Variants in FLRT2 observed in about 807,000 individuals in gnomAD.
FLRT2 encodes the protein leucine-rich repeat transmembrane protein FLRT2.
In FLRT2, 15 loss-of-function variants were observed where a neutral mutation model predicts 40.0. The ratio of observed to expected loss-of-function variants is 0.38; its 90% CI spans 0.25 to 0.58. The LOEUF is 0.58. Ranked by LOEUF, FLRT2 falls within the 20% of genes least tolerant of loss-of-function variation. FLRT2 has a pLI of 0.71. For missense variants in FLRT2, 726 were observed against 840.0 expected (o/e 0.86, Z 1.68); for synonymous variants, 380 against 336.8 (o/e 1.13, Z -1.41).
chr14:85,560,618 T>A (rs1261922386), intron 1 of FLRT2, among the ~76,000 whole-genome samples: 1 of 147,266 alleles, frequency 6.8e-6, no homozygotes, highest in Non-Finnish European at 1.5e-5. Flanking sequence ...AAATAAAAAA[T>A]AAAGAAAAAA....
chr14:85,587,389 G>A (rs1891671158), intron 1 of FLRT2, among the ~76,000 whole-genome samples: 1 of 151,724 alleles, frequency 6.6e-6, no homozygotes, highest in Admixed American at 6.6e-5. Context: ...GAATTCCTAC[G>A]CAAAAGCTAC....
intron 1 of FLRT2, among the ~76,000 whole-genome samples, chr14:85,560,533 A>G (rs1004895569): frequency 2.0e-5 from 3 of 152,068 alleles, no homozygotes; most frequent in African/African-American, 7.2e-5. Context: ...GTGAGCCGAG[A>G]TCGCACCACT....
intron 1 of FLRT2, among the ~76,000 whole-genome samples, chr14:85,570,326 C>G (rs1027392674): frequency 5.3e-5 from 8 of 152,186 alleles, no homozygotes; most frequent in Non-Finnish European, 7.3e-5. Flanking sequence ...AACAATTCAA[C>G]TTCCTTTTCA....
chr14:85,590,826 G>C (rs946232313), intron 1 of FLRT2, among the ~76,000 whole-genome samples: 30 of 152,126 alleles, frequency 2.0e-4, no homozygotes, highest in African/African-American at 7.2e-4. Flanking sequence ...TCAAACTCCT[G>C]ACCTCAGGTG....
Position 85,632,640 on chromosome 14 carries a change from A to G in FLRT2, c.*9143A>G, listed in dbSNP as rs1311729019. On this transcript the variant is annotated 3_prime_UTR_variant, in exon 2 of 2. Coordinates refer to ENST00000330753, the MANE Select transcript of FLRT2 (RefSeq NM_013231.6). ...ATCTTCATCAGCAAAATTAAAAAAG[A>G]CAGTCATTATTCACTATGTCATATC... The G allele has an allele frequency of 6.6e-6, 1 of 152,076 alleles. No homozygotes were observed. The highest frequency in any genetic ancestry group is 2.4e-5 in the African/African-American group (1 of 41,378). 9.4% of individuals were successfully genotyped at this position (152,076 alleles called of 1,614,324 possible).
chr14:85,543,494 G>A (rs775427843), intron 1 of FLRT2, among the ~76,000 whole-genome samples: 37 of 150,856 alleles, frequency 2.5e-4, no homozygotes, highest in Non-Finnish European at 4.7e-4. Context: ...CTAAACCATT[G>A]TACTGTTTTT....
At chr14:85,593,477 T>TGATTCGATAA (rs71120526) in intron 1 of FLRT2, among the ~76,000 whole-genome samples, 72,025 of 151,604 alleles carry the variant, frequency 0.48, 17,502 homozygotes, top group East Asian at 0.77. Flanking sequence ...GAAACTCTGT[T>TGATTCGATAA]GATTGAAAAT....
rs888619134 is a variant in FLRT2, at chr14:85,602,111, G to T, written c.-376-19028G>T. 2.1e-4 allele frequency among the ~76,000 whole-genome samples: 32 copies of T among 152,248 alleles called. 1 individual carries two copies. The highest frequency in any genetic ancestry group is 7.5e-4 in the African/African-American group (31 of 41,548). On this transcript the variant is annotated intron_variant, in intron 1 of 1. Transcript: ENST00000330753. ...TGAAGGGTAGTAAAGTGTCTGCTTAGATATATAGTGACTTATAAATGCATT... is the reference window on the plus strand; with the variant it reads ...TGAAGGGTAGTAAAGTGTCTGCTTATATATATAGTGACTTATAAATGCATT...
rs562676147 is a variant in FLRT2, at chr14:85,637,097, A to C, written c.*13600A>C. On this transcript the variant is annotated 3_prime_UTR_variant, in exon 2 of 2. Transcript: ENST00000330753. ...AACTAGCAACATGTTTTGTGGAGAT[A>C]AATGTAAACACATTTTACACATACA... 3 of 152,178 alleles carry C rather than the reference A, an allele frequency of 2.0e-5. No individual in the cohort carries two copies. The South Asian group carries it at 6.2e-4, about 31-fold the overall frequency. The allele number at this position is 152,178 out of a possible 1,614,324, so 9.4% of individuals were successfully genotyped here. A position where few individuals can be genotyped will look rare whatever the true frequency, so the allele number is the denominator to read the frequency against.
At chr14:85,604,854 G>T (rs1179779458) in intron 1 of FLRT2, among the ~76,000 whole-genome samples, 3 of 152,124 alleles carry the variant, frequency 2.0e-5, no homozygotes, top group Admixed American at 6.6e-5. Flanking sequence ...GGGGTGAAGT[G>T]GGTGGGGGTT....
chr14:85,576,914 GT>G (rs1891147394), intron 1 of FLRT2, among the ~76,000 whole-genome samples: 1 of 152,148 alleles, frequency 6.6e-6, no homozygotes, highest in African/African-American at 2.4e-5. Context: ...ATGTGCACAC[GT>G]TTTGTATTTC....
At position 85,643,357 on chromosome 14, in the gene FLRT2, TCCTTCCTTC is replaced by T. The variant is rs1357110151; in HGVS notation, c.*19862_*19870del. 20 of 126,398 alleles carry T rather than the reference TCCTTCCTTC, an allele frequency of 1.6e-4. No individual in the cohort carries two copies. The highest frequency in any genetic ancestry group is 3.8e-3 in the Middle Eastern group (1 of 264). 7.8% of individuals were successfully genotyped at this position (126,398 alleles called of 1,614,324 possible). A position where few individuals can be genotyped will look rare whatever the true frequency, so the allele number is the denominator to read the frequency against. On this transcript the variant is annotated 3_prime_UTR_variant, in exon 2 of 2. Coordinates refer to ENST00000330753, the MANE Select transcript of FLRT2 (RefSeq NM_013231.6). ...TTTCTTTCTTTCTTTCTTTCTTTCT[TCCTTCCTTC>T]CTTCCTTCCTTTCTTTCCTTTCTCC...
rs1260616861 is a variant in FLRT2, at chr14:85,627,490, T to C, written c.*3993T>C. 6.0e-6 allele frequency: 1 copy of C among 167,026 alleles called. No homozygotes were observed. The highest frequency in any genetic ancestry group is 6.5e-5 in the Admixed American group (1 of 15,278). The allele number at this position is 167,026 out of a possible 1,614,324, so 10.3% of individuals were successfully genotyped here. A position where few individuals can be genotyped will look rare whatever the true frequency, so the allele number is the denominator to read the frequency against. ...AAATTTTTTTACTATAGTTTTTTGT[T>C]TTCTACCTGCACACCCACCAGAAGA... On this transcript the variant is annotated 3_prime_UTR_variant, in exon 2 of 2. Transcript: ENST00000330753.
At position 85,623,442 on chromosome 14, in the gene FLRT2, A is replaced by G; in HGVS notation, c.1928A>G (p.Asn643Ser). Residue 643 changes from asparagine to serine, a missense_variant, in exon 2 of 2, where the codon AAC becomes AGC. Physicochemically the swap from Asn to Ser is conservative, Grantham distance 46. Around this residue, in one of 3 missense-constraint regions of FLRT2, gnomAD observed 611 missense variants for 690.0 expected, o/e 0.89. Coordinates refer to ENST00000330753, the MANE Select transcript of FLRT2 (RefSeq NM_013231.6). ...AATTACACAGACTGCCATATCCCCA[A>G]CAACATGCGATACTGCAACAGCAGC... ...GINYTDCHIP[N>S]NMRYCNSSVP... 4.7e-6 allele frequency: 7 copies of G among 1,481,046 alleles called. No homozygotes were observed. The South Asian group carries it at 9.1e-5, about 19-fold the overall frequency. The allele number at this position is 1,481,046 out of a possible 1,614,324, so 91.7% of individuals were successfully genotyped here.
intron 1 of FLRT2, among the ~76,000 whole-genome samples, chr14:85,561,990 C>T (rs1890357970): frequency 6.6e-6 from 1 of 152,282 alleles, no homozygotes; most frequent in East Asian, 1.9e-4. Flanking sequence ...GACACATTCC[C>T]TCATTTCTTT....
At position 85,580,244 on chromosome 14, in the gene FLRT2, T is replaced by C. The variant is rs1345390536; in HGVS notation, c.-376-40895T>C. On this transcript the variant is annotated intron_variant, in intron 1 of 1. Transcript: ENST00000330753. ...TGCTGGACAGTGTGCCTGGTTTGCC[T>C]GACAGTAGCAAATTTAGGCCAGAAT... Among the ~76,000 whole-genome samples, 4 of 152,194 alleles carry C rather than the reference T, an allele frequency of 2.6e-5. No individual in the cohort carries two copies. The South Asian group carries it at 6.2e-4, about 24-fold the overall frequency.
intron 1 of FLRT2, among the ~76,000 whole-genome samples, chr14:85,561,663 T>C (rs559690368): frequency 8.7e-4 from 132 of 152,348 alleles, no homozygotes; most frequent in Non-Finnish European, 1.4e-3. Context: ...CAGCAAATGA[T>C]ACTGTTGACA....
At chr14:85,598,448 A>C (rs1892234350) in intron 1 of FLRT2, among the ~76,000 whole-genome samples, 1 of 152,194 alleles carries the variant, frequency 6.6e-6, no homozygotes, top group Middle Eastern at 3.2e-3. Context: ...TTTTCAAGTG[A>C]TTTTGGGGTG....
intron 1 of FLRT2, among the ~76,000 whole-genome samples, chr14:85,559,076 A>C (rs1566727283): frequency 6.6e-6 from 1 of 152,360 alleles, no homozygotes; most frequent in East Asian, 1.9e-4. Flanking sequence ...GCATGTGTAC[A>C]CATACATCAC....
Sources: allele counts gnomAD v4.1 joint callset (sites outside exome capture counted in the v4.1 genomes callset), GRCh38; gene constraint gnomAD v4.1.1; regional missense constraint gnomAD v4.1.1; transcripts MANE v1.5; gene names NCBI Gene and HGNC (gene_info 2026-07-23, HGNC 2026-07-21).